TCF12: variants seen among roughly 807,000 people sequenced by gnomAD.
TCF12 encodes the protein DNA-binding protein HTF4.
In TCF12, 45 loss-of-function variants were observed where a neutral mutation model predicts 86.0. The observed-to-expected ratio is 0.52, with a 90% confidence interval of 0.41 to 0.67. The LOEUF is 0.67. TCF12 is among the 30% of genes least tolerant of loss of function. The probability of loss-of-function intolerance (pLI) is 0.00; values close to 1 mark genes in which losing one functional copy is unlikely to be tolerated. For synonymous variants in TCF12, 330 were observed against 299.6 expected, an observed-to-expected ratio of 1.10 and a Z score of -1.05; for missense variants, 881 against 859.9, an observed-to-expected ratio of 1.02 and a Z score of -0.31.
chr15:57,020,920 A>C (rs1567266953), intron 3 of TCF12, among the ~76,000 whole-genome samples: 1 of 152,184 alleles, frequency 6.6e-6, no homozygotes, highest in Non-Finnish European at 1.5e-5. Flanking sequence ...TTTGAAATTA[A>C]GAGTAACAAG....
chr15:56,931,758 C>G (rs1210971068), intron 3 of TCF12, among the ~76,000 whole-genome samples: 2 of 152,126 alleles, frequency 1.3e-5, no homozygotes, highest in African/African-American at 4.8e-5. Flanking sequence ...GGCTCAGACC[C>G]ACTACTGTTT....
intron 3 of TCF12, among the ~76,000 whole-genome samples, chr15:56,984,202 A>G (rs1019763632): frequency 6.6e-6 from 1 of 151,614 alleles, no homozygotes; most frequent in Non-Finnish European, 1.5e-5. Context: ...TACATTATAC[A>G]TATATGTGCA....
In TCF12 at chr15:56,919,873, C is replaced by T. The variant is rs1290958732; in HGVS notation, c.-22-19C>T. The T allele has an allele frequency of 6.2e-7, 1 of 1,610,006 alleles. No homozygotes were observed. Among genetic ancestry groups the T allele is most frequent in the African/African-American group, 1.3e-5 (1 of 74,744 alleles). ...TGGGCCTCGGTGGTCTCTCGCTGAG[C>T]CCGTTTCCTCTGCCCTAGGACCTGC... On this transcript the variant is annotated intron_variant, in intron 1 of 20. Coordinates refer to ENST00000333725, the MANE Select transcript of TCF12 (RefSeq NM_207037.2).
chr15:57,166,420 G>T lies in TCF12; in HGVS notation c.344G>T (p.Gly115Val), dbSNP rs766069747. Residue 115 changes from glycine (G) to valine (V), a missense_variant, in exon 6 of 21, where the codon GGC becomes GTC. Physicochemically the swap from Gly to Val is moderately radical, Grantham distance 109 (BLOSUM62 -3). Coordinates refer to ENST00000333725, the MANE Select transcript of TCF12 (RefSeq NM_207037.2). ...TTTATAGGAAAAACATCAGAGAGAGGCTCATTTTCCCTGTACAGCAGAGAT... is the reference window on the plus strand; with the variant it reads ...TTTATAGGAAAAACATCAGAGAGAGTCTCATTTTCCCTGTACAGCAGAGAT... ...SNLMGKTSER[G>V]SFSLYSRDTG... 6.2e-6 allele frequency: 10 copies of T among 1,611,584 alleles called. No homozygotes were observed. The Middle Eastern group carries it at 5.0e-4, about 80-fold the overall frequency.
At chr15:57,222,217 C>G (rs1477175803) in intron 8 of TCF12, among the ~76,000 whole-genome samples, 1 of 145,566 alleles carries the variant, frequency 6.9e-6, no homozygotes, top group African/African-American at 2.5e-5. Context: ...CTTTCTTTCC[C>G]TTTTTTCCAG....
At chr15:57,270,071 T>A (rs1210855151) in intron 18 of TCF12, among the ~76,000 whole-genome samples, 1 of 152,198 alleles carries the variant, frequency 6.6e-6, no homozygotes, top group Non-Finnish European at 1.5e-5. Context: ...CTTTGTGGTG[T>A]TCTCTGTATT....
chr15:57,223,253 C>A (rs1430069993), intron 8 of TCF12, among the ~76,000 whole-genome samples: 1 of 152,010 alleles, frequency 6.6e-6, no homozygotes, highest in Non-Finnish European at 1.5e-5. Context: ...AGCACATTTT[C>A]TCCTTTGTAT....
intron 5 of TCF12, among the ~76,000 whole-genome samples, chr15:57,127,914 A>G (rs2051792663): frequency 6.6e-6 from 1 of 152,182 alleles, no homozygotes; most frequent in African/African-American, 2.4e-5. Flanking sequence ...CTGTCCCTGG[A>G]CATCGGAATA....
At chr15:57,150,320 A>G (rs1367242135) in intron 5 of TCF12, among the ~76,000 whole-genome samples, 2 of 152,206 alleles carry the variant, frequency 1.3e-5, no homozygotes, top group African/African-American at 2.4e-5. Context: ...AAGCTCACAC[A>G]AAGCTGGGAA....
chr15:57,010,797 T>G (rs544687803), intron 3 of TCF12, among the ~76,000 whole-genome samples: 1 of 152,346 alleles, frequency 6.6e-6, no homozygotes, highest in Non-Finnish European at 1.5e-5. Flanking sequence ...TTTAGGAGGA[T>G]GATTAAAAAC....
chr15:57,259,067 A>T (rs1319153387), intron 16 of TCF12, among the ~76,000 whole-genome samples: 1 of 152,156 alleles, frequency 6.6e-6, no homozygotes, highest in Non-Finnish European at 1.5e-5. Context: ...ATTTTTTCCT[A>T]AATGGGCAAT....
chr15:57,220,898 G>A (rs964490675), intron 8 of TCF12, among the ~76,000 whole-genome samples: 4 of 152,090 alleles, frequency 2.6e-5, no homozygotes, highest in Non-Finnish European at 4.4e-5. Flanking sequence ...TAGTGAAGGG[G>A]GGGAGAGGGG....
intron 12 of TCF12, 132 bp downstream of exon 12, chr15:57,234,239 T>C (rs1203252650): frequency 2.7e-6 from 2 of 736,062 alleles, no homozygotes; most frequent in East Asian, 5.7e-5. Flanking sequence ...TTTAGAGTTA[T>C]TCTCGGTTTG....
intron 5 of TCF12, among the ~76,000 whole-genome samples, chr15:57,121,555 A>C (rs1368237464): frequency 1.3e-5 from 2 of 152,076 alleles, no homozygotes; most frequent in East Asian, 3.9e-4. Flanking sequence ...TTGCCCTTCC[A>C]CTCTTCTACC....
At chr15:56,934,782 G>A (rs926526451) in intron 3 of TCF12, among the ~76,000 whole-genome samples, 2 of 152,110 alleles carry the variant, frequency 1.3e-5, no homozygotes, top group Non-Finnish European at 2.9e-5. Context: ...ACCCAGTGCC[G>A]GTAGAGCCAT....
At chr15:57,023,010 A>T (rs1169064153) in intron 3 of TCF12, among the ~76,000 whole-genome samples, 3 of 152,136 alleles carry the variant, frequency 2.0e-5, no homozygotes, top group Non-Finnish European at 4.4e-5. Flanking sequence ...TTCTCTTTTA[A>T]GTGCATTGAG....
chr15:57,009,795 A>G (rs530140629), intron 3 of TCF12, among the ~76,000 whole-genome samples: 69 of 152,198 alleles, frequency 4.5e-4, no homozygotes, highest in Non-Finnish European at 7.9e-4. Context: ...TTGTCCCTGG[A>G]TGGCTCATAT....
intron 18 of TCF12, among the ~76,000 whole-genome samples, chr15:57,269,711 G>T (rs2061041651): frequency 6.6e-6 from 1 of 152,138 alleles, no homozygotes; most frequent in South Asian, 2.1e-4. Context: ...TGCTTACCAT[G>T]TTTAGCGCTT....
At chr15:57,024,907 A>C (rs556674441) in intron 3 of TCF12, among the ~76,000 whole-genome samples, 154 of 152,318 alleles carry the variant, frequency 1.0e-3, no homozygotes, top group African/African-American at 3.6e-3. Context: ...TAAATCCTAC[A>C]TTAAAATGTT....
Sources: gnomAD v4.1 joint callset for allele counts (sites outside exome capture counted in the v4.1 genomes callset) on GRCh38, gnomAD v4.1.1 for gene constraint, MANE v1.5 for transcripts, NCBI Gene and HGNC (gene_info 2026-07-23, HGNC 2026-07-21) for gene names.